Variants in ZNF487 observed in about 807,000 individuals in gnomAD.
The protein encoded by ZNF487 is KRAB domain only 1.
Under a neutral mutation model 3.0 loss-of-function variants are expected in ZNF487, and 4 were observed. The observed-to-expected ratio is 1.35, with a 90% CI of 0.66 to 3.08. The LOEUF is 3.08. Ranked by LOEUF, ZNF487 falls within the 30% of genes most tolerant of loss-of-function variation. ZNF487 has a pLI of 0.01. For synonymous variants in ZNF487, 55 were observed against 34.6 expected, an observed-to-expected ratio of 1.59 and a Z score of -2.06; for missense variants, 146 against 98.7, an observed-to-expected ratio of 1.48 and a Z score of -2.03.
chr10:43,471,209 G>A (rs559409609), intron 1 of ZNF487, among the ~76,000 whole-genome samples: 1 of 152,276 alleles, frequency 6.6e-6, no homozygotes, highest in East Asian at 1.9e-4. Context: ...ACCCCTTGCA[G>A]GATGGAGCAC....
chr10:43,511,769 T>C, the ZNF487 span, among the ~76,000 whole-genome samples: 14 of 152,176 alleles, frequency 9.2e-5, no homozygotes, highest in African/African-American at 3.1e-4. Context: ...CTGAGTGCTG[T>C]CCACGGAACG....
intron 1 of ZNF487, among the ~76,000 whole-genome samples, chr10:43,439,771 G>A (rs985671396): frequency 1.3e-5 from 2 of 152,120 alleles, no homozygotes; most frequent in Non-Finnish European, 2.9e-5. Flanking sequence ...GAATGTTGAC[G>A]ATATTATGTT....
At chr10:43,453,564 G>A (rs1840076285) in intron 1 of ZNF487, 1 of 152,132 alleles carries the variant, frequency 6.6e-6, no homozygotes, top group African/African-American at 2.4e-5. Context: ...GAGTTCTGCA[G>A]TTCTCAGTAA....
At chr10:43,479,743 G>A (rs565089922) in intron 3 of ZNF487, among the ~76,000 whole-genome samples, 2 of 152,196 alleles carry the variant, frequency 1.3e-5, no homozygotes, top group African/African-American at 4.8e-5. Flanking sequence ...CGCCTCTCGG[G>A]TTCAAGTGAC....
chr10:43,447,362 C>T (rs1179105675), intron 1 of ZNF487, among the ~76,000 whole-genome samples: 2 of 152,050 alleles, frequency 1.3e-5, no homozygotes, highest in Non-Finnish European at 2.9e-5. Flanking sequence ...CCTGCCTTAG[C>T]CTCCTGAGAG....
At chr10:43,518,208 G>A in the ZNF487 span, among the ~76,000 whole-genome samples, 2 of 152,154 alleles carry the variant, frequency 1.3e-5, no homozygotes, top group East Asian at 3.9e-4. Context: ...AGACATTACT[G>A]ATAGTGACCA....
chr10:43,511,409 GA>G, the ZNF487 span, among the ~76,000 whole-genome samples: 2 of 152,366 alleles, frequency 1.3e-5, no homozygotes, highest in Admixed American at 6.5e-5. Flanking sequence ...TGAGTCCACA[GA>G]TGGTAGTCTT....
chr10:43,447,984 C>CTT (rs1564413606), intron 1 of ZNF487, among the ~76,000 whole-genome samples: 4 of 112,082 alleles, frequency 3.6e-5, no homozygotes, highest in African/African-American at 9.0e-5. Context: ...TCTTGGAAAC[C>CTT]ATTTTTTTTT....
downstream of ZNF487, among the ~76,000 whole-genome samples, chr10:43,485,820 A>G (rs759969128): frequency 3.9e-5 from 6 of 152,220 alleles, no homozygotes; most frequent in Non-Finnish European, 8.8e-5. Flanking sequence ...TGCTTGATAC[A>G]GGGATAAAAT....
chr10:43,454,290 A>G (rs1417218680), intron 1 of ZNF487: 1 of 152,226 alleles, frequency 6.6e-6, no homozygotes, highest in African/African-American at 2.4e-5. Context: ...AGCTCAGGCA[A>G]TCCTCCCGCC....
At chr10:43,457,693 TA>T (rs543234325) in intron 1 of ZNF487, among the ~76,000 whole-genome samples, 6,044 of 104,802 alleles carry the variant, frequency 0.058, 117 homozygotes, top group Middle Eastern at 0.079. Flanking sequence ...CCGCCTCAAT[TA>T]AAAAAAAAAA....
chr10:43,503,236 T>C, the ZNF487 span, among the ~76,000 whole-genome samples: 1 of 152,020 alleles, frequency 6.6e-6, no homozygotes, highest in African/African-American at 2.4e-5. Flanking sequence ...AATGTGTATG[T>C]GTGTGTCTTA....
chr10:43,455,660 C>T (rs1231247863), intron 1 of ZNF487, among the ~76,000 whole-genome samples: 3 of 152,214 alleles, frequency 2.0e-5, no homozygotes, highest in Admixed American at 6.5e-5. Flanking sequence ...CGGGCACTGC[C>T]GCGCATGCGC....
the ZNF487 span, among the ~76,000 whole-genome samples, chr10:43,493,710 ATATATATATATAT>A: frequency 0.036 from 886 of 24,740 alleles, 59 homozygotes; most frequent in South Asian, 0.15. Flanking sequence ...AAAAAAAAAA[ATATATATATATAT>A]ATATATATAT....
chr10:43,483,450 G>C (rs901466605), downstream of ZNF487, among the ~76,000 whole-genome samples: 2 of 151,658 alleles, frequency 1.3e-5, no homozygotes, highest in Non-Finnish European at 2.9e-5. Context: ...ATGTTGGTCA[G>C]GCTGCTCTTG....
chr10:43,491,065 C>A, the ZNF487 span, among the ~76,000 whole-genome samples: 1 of 147,984 alleles, frequency 6.8e-6, no homozygotes, highest in East Asian at 2.0e-4. Context: ...CTCGCAGGTT[C>A]AAGCGATTCT....
chr10:43,465,750 G>A (rs1301921812), intron 1 of ZNF487, among the ~76,000 whole-genome samples: 2 of 152,286 alleles, frequency 1.3e-5, no homozygotes, highest in Admixed American at 6.5e-5. Context: ...ACGATGGGCG[G>A]CCAGGCAGAG....
the ZNF487 span, among the ~76,000 whole-genome samples, chr10:43,492,428 C>T: frequency 7.0e-6 from 1 of 143,386 alleles, no homozygotes; most frequent in Non-Finnish European, 1.5e-5. Flanking sequence ...AGTCCACAAA[C>T]ATGATTTTAT....
At chr10:43,487,929 C>CAAAAAAAAAAAAAAAAAAA (rs76705594), downstream of ZNF487, among the ~76,000 whole-genome samples, 3 of 40,458 alleles carry the variant, frequency 7.4e-5, no homozygotes, top group Admixed American at 4.1e-4. Context: ...TACCAAAATA[C>CAAAAAAAAAAAAAAAAAAA]AAAAAAAAAA....
Sources: gnomAD v4.1 joint callset for allele counts (sites outside exome capture counted in the v4.1 genomes callset) on GRCh38, gnomAD v4.1.1 for gene constraint, MANE v1.5 for transcripts, NCBI Gene and HGNC (gene_info 2026-07-23, HGNC 2026-07-21) for gene names.